Variants in ZNF333 observed in about 807,000 individuals in gnomAD.
The protein encoded by ZNF333 is zinc finger protein 333.
A neutral mutation model predicts 76.1 loss-of-function variants in ZNF333; 61 were observed. That is an observed-to-expected ratio of 0.80 (90% confidence interval 0.65 to 0.99). The LOEUF is 0.99. Ranked by LOEUF, ZNF333 falls within the 50% of genes least tolerant of loss-of-function variation. The pLI is 0.00. For missense variants in ZNF333, 717 were observed against 822.4 expected, an observed-to-expected ratio of 0.87 and a Z score of 1.57; for synonymous variants, 284 against 305.0, an observed-to-expected ratio of 0.93 and a Z score of 0.72.
chr19:14,707,293 G>C (rs1394747900), intron 7 of ZNF333: 2 of 150,440 alleles, frequency 1.3e-5, no homozygotes, highest in Non-Finnish European at 2.9e-5. Flanking sequence ...TCAAGTCCCA[G>C]CTACTTAAGA....
In ZNF333 at chr19:14,705,150, C is replaced by A. The variant is rs1178949326; in HGVS notation, c.403C>A (p.Pro135Thr). The stretch of plus-strand genomic sequence containing the variant: ...GGACCGGCCAGCTCTCCAGGAGCCG[C>A]CTTGGTCTCTGGGATGCACGGTAAG... ...REDRPALQEP[P>T]WSLGCTGLKA... The change falls in exon 6 of 12, where the codon CCT becomes ACT. Residue 135 changes from proline to threonine, a missense_variant. Coordinates refer to ENST00000292530, the MANE Select transcript of ZNF333 (RefSeq NM_032433.4). 1 of 1,613,612 alleles carries A rather than the reference C, an allele frequency of 6.2e-7. No homozygotes were observed. Among genetic ancestry groups the A allele is most frequent in the Non-Finnish European group, 8.5e-7 (1 of 1,179,880 alleles).
rs369174449 is a variant in ZNF333, at chr19:14,718,558, C to T, written c.1231C>T (p.Arg411Ter). 2.7e-5 allele frequency: 43 copies of T among 1,613,938 alleles called. No individual in the cohort carries two copies. Among genetic ancestry groups the T allele is most frequent in the South Asian group, 5.5e-5 (5 of 91,078 alleles). The change falls in exon 12 of 12, where the codon CGA (arginine) becomes TGA (stop). Residue 411 changes from arginine to a stop codon, truncating the protein, a stop_gained. Transcript: ENST00000292530. LOFTEE classifies it high-confidence loss of function. ...CTTCAAATATTCCTCGAATCTCCGG[C>T]GACACATGAGAACCCATACCGGAGA... ...QAFKYSSNLR[R>*]HMRTHTGEKP...
In ZNF333 at chr19:14,695,053, A is replaced by G; in HGVS notation, c.47A>G (p.Glu16Gly). The G allele has an allele frequency of 1.2e-6, 2 of 1,614,078 alleles. No homozygotes were observed. The highest frequency in any genetic ancestry group is 2.2e-5 in the South Asian group (2 of 91,072). ...GATGTGGCCGTGGAGTTCATCCAGGAGTGGGCATTGCTGGACAGCGCACGG... is the reference window on the plus strand; with the variant it reads ...GATGTGGCCGTGGAGTTCATCCAGGGGTGGGCATTGCTGGACAGCGCACGG... The part of the protein sequence containing the change: ...FEDVAVEFIQ[E>G]WALLDSARRS... The change falls in exon 3 of 12, where the codon GAG becomes GGG. Residue 16 changes from glutamate to glycine, a missense_variant. Physicochemically the swap from Glu to Gly is moderately conservative, Grantham distance 98. Coordinates refer to ENST00000292530, the MANE Select transcript of ZNF333 (RefSeq NM_032433.4).
At chr19:14,697,357 CTTTTTTTTTTTT>C (rs139125023) in intron 4 of ZNF333, among the ~76,000 whole-genome samples, 2 of 90,828 alleles carry the variant, frequency 2.2e-5, no homozygotes, top group African/African-American at 4.4e-5. Flanking sequence ...TTTTTCTTTT[CTTTTTTTTTTTT>C]TTTTTTTTTT....
chr19:14,731,299 C>A, exon 12 of ZNF333: 1 of 1,079,480 alleles, frequency 9.3e-7, no homozygotes, highest in Non-Finnish European at 1.4e-6. Context: ...TCTGCAGATT[C>A]TGAAGCTTGC....
rs199652435 is a variant in ZNF333, at chr19:14,706,746, C to G, written c.484C>G (p.Arg162Gly). ...VVIPVPTLGH[R>G]NPWVARDSAV... ...GATACCAGTGCCTACTCTGGGCCAC[C>G]GCAACCCATGGGTGGCCAGGGATTC... Residue 162 changes from arginine (R) to glycine (G), a missense_variant, in exon 7 of 12, where the codon CGC becomes GGC. Coordinates refer to ENST00000292530, the MANE Select transcript of ZNF333 (RefSeq NM_032433.4). 12 of 1,613,764 alleles carry G rather than the reference C, an allele frequency of 7.4e-6. No homozygotes were observed. The East Asian group carries it at 2.5e-4, about 33-fold the overall frequency.
intron 1 of ZNF333, among the ~76,000 whole-genome samples, chr19:14,692,999 G>C (rs1163848912): frequency 6.6e-6 from 1 of 151,552 alleles, no homozygotes; most frequent in African/African-American, 2.4e-5. Flanking sequence ...GCTAATTTTT[G>C]TATTTTTAGT....
At chr19:14,717,585 C>T (rs983598310) in intron 10 of ZNF333, 72 bp from the exon 11 acceptor site, 41 of 1,390,162 alleles carry the variant, frequency 2.9e-5, no homozygotes, top group Admixed American at 8.4e-5. Context: ...GCCTTGCCTA[C>T]TTTTGAGGTG....
chr19:14,716,998 T>C lies in ZNF333; in HGVS notation c.732T>C (p.Asp244=). 1 of 1,611,018 alleles carries C rather than the reference T, an allele frequency of 6.2e-7. No individual in the cohort carries two copies. ...ENYRNLASVA[D]QLCKPNALSY... is the part of the protein sequence containing the mutation. Reference sequence around the variant, plus strand: ...GTGTTTTTTTCTCATGAGCAGCTGATCAACTGTGCAAACCCAATGCGTTGT... The same window carrying C: ...GTGTTTTTTTCTCATGAGCAGCTGACCAACTGTGCAAACCCAATGCGTTGT... The change falls in exon 10 of 12, where the codon GAT becomes GAC. Residue 244 remains aspartate, a synonymous_variant. Coordinates refer to ENST00000292530, the MANE Select transcript of ZNF333 (RefSeq NM_032433.4).
At chr19:14,716,264 C>CT (rs370162857) in intron 9 of ZNF333, 26 bp downstream of exon 9, 102,537 of 1,007,708 alleles carry the variant, frequency 0.1, 5 homozygotes, top group Non-Finnish European at 0.11. Flanking sequence ...CTTTTCTTTC[C>CT]TTTTTTTTTT....
In ZNF333 at chr19:14,721,137, T is replaced by C. The variant is rs758285214; in HGVS notation, c.*1812T>C. The C allele has an allele frequency of 3.5e-6, 1 of 287,018 alleles. No homozygotes were observed. Among genetic ancestry groups the C allele is most frequent in the Non-Finnish European group, 5.2e-6 (1 of 191,914 alleles). 17.8% of individuals were successfully genotyped at this position (287,018 alleles called of 1,614,324 possible). On this transcript the variant is annotated 3_prime_UTR_variant, in exon 12 of 12. Coordinates refer to ENST00000292530, the MANE Select transcript of ZNF333 (RefSeq NM_032433.4). ...CCTCACACTGACACTTTGAGGTATGTACTGTTATCCCCAATTCCCAGATGA... is the reference window on the plus strand; with the variant it reads ...CCTCACACTGACACTTTGAGGTATGCACTGTTATCCCCAATTCCCAGATGA...
intron 5 of ZNF333, among the ~76,000 whole-genome samples, chr19:14,703,326 A>G (rs1225361334): frequency 6.6e-6 from 1 of 151,980 alleles, no homozygotes; most frequent in African/African-American, 2.4e-5. Context: ...CCCATGACAT[A>G]CGGGGATTAT....
intron 6 of ZNF333, chr19:14,706,435 G>A (rs935787556): frequency 1.2e-5 from 6 of 500,466 alleles, no homozygotes; most frequent in Middle Eastern, 5.4e-4. Context: ...GACTTCTGGA[G>A]CCTCCTTGGA....
intron 7 of ZNF333, 65 bp from the exon 8 acceptor site, chr19:14,715,317 T>C: frequency 6.8e-7 from 1 of 1,469,572 alleles, no homozygotes; most frequent in African/African-American, 1.4e-5. Context: ...TGGGCAGACT[T>C]GGGGCCTGTG....
chr19:14,720,698 G>A lies in ZNF333; in HGVS notation c.*1373G>A. ...ATGTCAGTTTTTATAAATGCTTCATGGATGGTTGAAATCAATGTATTGTAT... is the reference window on the plus strand; with the variant it reads ...ATGTCAGTTTTTATAAATGCTTCATAGATGGTTGAAATCAATGTATTGTAT... On this transcript the variant is annotated 3_prime_UTR_variant, in exon 12 of 12. Coordinates refer to ENST00000292530, the MANE Select transcript of ZNF333 (RefSeq NM_032433.4). 1.0e-6 allele frequency: 1 copy of A among 985,258 alleles called. No homozygotes were observed. The highest frequency in any genetic ancestry group is 4.7e-5 in the South Asian group (1 of 21,284). The allele number at this position is 985,258 out of a possible 1,614,324, so 61.0% of individuals were successfully genotyped here.
rs368323888 is a variant in ZNF333 at position 14,709,756 on chromosome 19, C to T, written c.511+2983C>T. 9.2e-5 allele frequency among the ~76,000 whole-genome samples: 14 copies of T among 152,324 alleles called. No homozygotes were observed. In the South Asian group the frequency reaches 2.9e-3, roughly 32 times the overall value. On this transcript the variant is annotated intron_variant, in intron 7 of 11. Transcript: ENST00000292530. ...AGCCATCTGCAAGCCAGGAAGGGAGCCCTCACCAGGAACCAACCATGCTGG... is the reference window on the plus strand; with the variant it reads ...AGCCATCTGCAAGCCAGGAAGGGAGTCCTCACCAGGAACCAACCATGCTGG...
rs1249262296 is a variant in ZNF333 at position 14,698,893 on chromosome 19, A to AATATAGAT, written c.224-300_224-293dup. Among the ~76,000 whole-genome samples, 22 of 113,110 alleles carry AATATAGAT rather than the reference A, an allele frequency of 1.9e-4. 1 individual carries two copies. Among genetic ancestry groups the AATATAGAT allele is most frequent in the African/African-American group, 8.2e-4 (22 of 26,910 alleles). 74.2% of individuals were successfully genotyped at this position (113,110 alleles called of 152,430 possible). A position where few individuals can be genotyped will look rare whatever the true frequency, so the allele number is the denominator to read the frequency against. On this transcript the variant is annotated intron_variant, in intron 4 of 11. Transcript: ENST00000292530. ...ACATGTATGTGTGTACACACACACA[A>AATATAGAT]ATATAGATATATATATATATATATA...
chr19:14,718,781 A>G lies in ZNF333; in HGVS notation c.1454A>G (p.Lys485Arg). 2 of 1,612,972 alleles carry G rather than the reference A, an allele frequency of 1.2e-6. No individual in the cohort carries two copies. Among genetic ancestry groups the G allele is most frequent in the East Asian group, 2.2e-5 (1 of 44,796 alleles). Reference protein sequence around the residue: ...EKPFECSQCGKAFREHSSLKT... With the variant: ...EKPFECSQCGRAFREHSSLKT... ...CCCTTTGAATGCAGCCAGTGTGGGA[A>G]AGCCTTCAGGGAACACTCTTCACTG... The change falls in exon 12 of 12, where the codon AAA (lysine) becomes AGA (arginine). Residue 485 changes from lysine to arginine, a missense_variant. Physicochemically the swap from Lys to Arg is conservative, Grantham distance 26. Coordinates refer to ENST00000292530, the MANE Select transcript of ZNF333 (RefSeq NM_032433.4).
chr19:14,691,676 CTT>C (rs71166784), intron 1 of ZNF333, among the ~76,000 whole-genome samples: 58 of 121,936 alleles, frequency 4.8e-4, no homozygotes, highest in Non-Finnish European at 4.8e-4. Flanking sequence ...GTCATATTGT[CTT>C]TTTTTTTTTT....
Sources: allele counts gnomAD v4.1 joint callset (sites outside exome capture counted in the v4.1 genomes callset), GRCh38; gene constraint gnomAD v4.1.1; transcripts MANE v1.5; gene names NCBI Gene and HGNC (gene_info 2026-07-23, HGNC 2026-07-21).